The following GAB4 variants were observed in gnomAD, a reference collection of about 807,000 sequenced individuals.
The protein encoded by GAB4 is GRB2 associated binding protein family member 4, also known as GRB2-associated-binding protein 4.
In GAB4, 26 loss-of-function variants were observed where a neutral mutation model predicts 51.3. The observed-to-expected ratio is 0.51, with a 90% CI of 0.37 to 0.70. The LOEUF (loss-of-function observed/expected upper bound fraction) is 0.70. GAB4 is among the 30% of genes least tolerant of loss of function. The pLI, the probability that GAB4 is intolerant of heterozygous loss-of-function variation, is 0.00. For missense variants in GAB4, 759 were observed against 734.6 expected, an observed-to-expected ratio of 1.03 and a Z score of -0.38; for synonymous variants, 329 against 291.2, an observed-to-expected ratio of 1.13 and a Z score of -1.32.
At chr22:16,982,084 CA>C (rs1186329353) in intron 3 of GAB4, among the ~76,000 whole-genome samples, 1 of 152,064 alleles carries the variant, frequency 6.6e-6, no homozygotes, top group African/African-American at 2.4e-5. Flanking sequence ...GCTTTACATG[CA>C]AAACCCACAG....
At chr22:16,993,801 T>C (rs73147668) in intron 1 of GAB4, among the ~76,000 whole-genome samples, 3,364 of 152,294 alleles carry the variant, frequency 0.022, 58 homozygotes, top group Middle Eastern at 0.068. Context: ...TCCAACACCC[T>C]TATTTCTTTG....
intron 1 of GAB4, among the ~76,000 whole-genome samples, chr22:16,996,122 A>C (rs1246329509): frequency 6.6e-6 from 1 of 151,988 alleles, no homozygotes; most frequent in Non-Finnish European, 1.5e-5. Context: ...AAATGACTTC[A>C]TGAAGCCGAA....
chr22:16,996,818 C>G (rs1308744405), intron 1 of GAB4, among the ~76,000 whole-genome samples: 1 of 119,216 alleles, frequency 8.4e-6, no homozygotes, highest in East Asian at 3.1e-4. Flanking sequence ...CCCCTCCCTC[C>G]ACCCCACAAC....
In GAB4 at chr22:16,962,829, C is replaced by T; in HGVS notation, c.1629G>A (p.Gln543=). 1 of 1,613,744 alleles carries T rather than the reference C, an allele frequency of 6.2e-7. No homozygotes were observed. Among genetic ancestry groups the T allele is most frequent in the Non-Finnish European group, 8.5e-7 (1 of 1,179,886 alleles). ...VTSGKKVDYV[Q]VDLEKTQALQ... is the part of the protein sequence containing the mutation. ...GGGCCTGGGTCTTCTCCAGATCCAC[C>T]TGGACATAGTCCACCTTCTTGCCGG... Residue 543 remains glutamine, a synonymous_variant, in exon 10 of 10, where the codon CAG becomes CAA. Coordinates refer to ENST00000400588, the MANE Select transcript of GAB4 (RefSeq NM_001037814.1).
chr22:16,999,555 A>T (rs574632079), intron 1 of GAB4, among the ~76,000 whole-genome samples: 1 of 151,926 alleles, frequency 6.6e-6, no homozygotes, highest in Admixed American at 6.6e-5. Context: ...GTCTTGCTAG[A>T]GGTCTTTCAA....
At chr22:16,981,177 A>G (rs2060824561) in intron 3 of GAB4, among the ~76,000 whole-genome samples, 1 of 150,734 alleles carries the variant, frequency 6.6e-6, no homozygotes, top group South Asian at 2.1e-4. Context: ...AAATAAATAT[A>G]AATATAAAAT....
At chr22:17,000,053 A>G (rs2060984722) in intron 1 of GAB4, among the ~76,000 whole-genome samples, 1 of 152,200 alleles carries the variant, frequency 6.6e-6, no homozygotes, top group African/African-American at 2.4e-5. Flanking sequence ...GGAGTGCTTT[A>G]CTTCCAACGA....
chr22:16,969,521 C>G (rs2060711486), intron 4 of GAB4: 1 of 480,648 alleles, frequency 2.1e-6, no homozygotes, highest in Non-Finnish European at 3.6e-6. Context: ...CCAAGTCTCC[C>G]TTGGCCATGG....
At chr22:16,997,047 C>A (rs193256230) in intron 1 of GAB4, among the ~76,000 whole-genome samples, 138 of 149,686 alleles carry the variant, frequency 9.2e-4, no homozygotes, top group African/African-American at 3.1e-3. Context: ...ACATTTTCTT[C>A]ATCCAGTCTG....
chr22:17,004,365 G>A (rs2061022352), intron 1 of GAB4, among the ~76,000 whole-genome samples: 1 of 152,098 alleles, frequency 6.6e-6, no homozygotes, highest in Admixed American at 6.6e-5. Context: ...CCCTAGCAGA[G>A]ACACAACAAA....
At chr22:16,968,901 C>G (rs117010706) in intron 4 of GAB4, among the ~76,000 whole-genome samples, 1 of 152,186 alleles carries the variant, frequency 6.6e-6, no homozygotes, top group Non-Finnish European at 1.5e-5. Context: ...CTCATCTTTA[C>G]CACTTATGAC....
chr22:16,976,385 A>G (rs935431675), intron 3 of GAB4, among the ~76,000 whole-genome samples: 6 of 152,220 alleles, frequency 3.9e-5, no homozygotes, highest in African/African-American at 1.4e-4. Flanking sequence ...ACAAGTATCA[A>G]CAGACAAGTC....
intron 7 of GAB4, 60 bp from the exon 8 acceptor site, chr22:16,964,922 C>G: frequency 7.8e-7 from 1 of 1,284,172 alleles, no homozygotes; most frequent in Admixed American, 1.9e-5. Flanking sequence ...GCTGTCAGGG[C>G]TCCAGCCTCC....
chr22:16,970,116 T>C lies in GAB4; in HGVS notation c.764A>G (p.His255Arg). 2 of 1,614,140 alleles carry C rather than the reference T, an allele frequency of 1.2e-6. No homozygotes were observed. The highest frequency in any genetic ancestry group is 1.7e-6 in the Non-Finnish European group (2 of 1,180,022). Residue 255 changes from histidine (H) to arginine (R), a missense_variant, in exon 4 of 10, where the codon CAC (histidine) becomes CGC (arginine). By Grantham distance (29) the His-to-Arg change is conservative (BLOSUM62 0). This residue lies in a region of GAB4 where 588 missense variants were observed against 510.2 expected (regional missense o/e 1.15). Coordinates refer to ENST00000400588, the MANE Select transcript of GAB4 (RefSeq NM_001037814.1). ...RNTAMQNLAQ[H>R]SGYSVDGVSG... is the part of the protein sequence containing the mutation. ...GACCCCATCAACACTGTATCCACTG[T>C]GCTGGGCAAGATTTTGCATGGCTGT... is the stretch of plus-strand genomic sequence containing the variant.
At chr22:16,990,393 G>C (rs2060904230) in intron 2 of GAB4, among the ~76,000 whole-genome samples, 1 of 152,162 alleles carries the variant, frequency 6.6e-6, no homozygotes, top group Admixed American at 6.5e-5. Flanking sequence ...GTGTAACACA[G>C]TAAGTATGTG....
Position 17,000,391 on chromosome 22 carries a change from T to C in GAB4, c.174+7550A>G, listed in dbSNP as rs560342344. ...TGTTGAATTGATCCCTTTACCATTA[T>C]GTAATGGCCTTGTCTCTTTTGATCT... On this transcript the variant is annotated intron_variant, in intron 1 of 9. Coordinates refer to ENST00000400588, the MANE Select transcript of GAB4 (RefSeq NM_001037814.1). Among the ~76,000 whole-genome samples the C allele has an allele frequency of 7.9e-5, 12 of 152,302 alleles. No individual in the cohort carries two copies. In the South Asian group the frequency reaches 2.1e-3, roughly 26 times the overall value.
rs769562665 is a variant in GAB4, at chr22:16,966,349, C to G, written c.1039G>C (p.Val347Leu). Reference protein sequence around the residue: ...VCSFLPGRTLVGLSDSIASEG... With the variant: ...VCSFLPGRTLLGLSDSIASEG... ...GAAGCAATGCTGTCTGACAGGCCCA[C>G]AAGCGTTCTTCCTGGCTAGGAAGAG... Residue 347 changes from valine (V) to leucine (L), a missense_variant, in exon 6 of 10, where the codon GTG becomes CTG. Transcript: ENST00000400588. 6.2e-6 allele frequency: 10 copies of G among 1,611,948 alleles called. No homozygotes were observed. In the East Asian group the frequency reaches 2.2e-4, roughly 36 times the overall value.
intron 3 of GAB4, among the ~76,000 whole-genome samples, chr22:16,972,261 G>A (rs1310836266): frequency 1.3e-5 from 2 of 152,240 alleles, no homozygotes; most frequent in Non-Finnish European, 2.9e-5. Flanking sequence ...CACGGCTGCA[G>A]ACAGATCTGG....
At chr22:16,987,867 T>G (rs2123697631) in intron 3 of GAB4, 93 bp downstream of exon 3, 1 of 930,356 alleles carries the variant, frequency 1.1e-6, no homozygotes, top group East Asian at 2.6e-5. Flanking sequence ...TAATATTTTA[T>G]GTCTTTCTCT....
Sources: gnomAD v4.1 joint callset for allele counts (sites outside exome capture counted in the v4.1 genomes callset) on GRCh38, gnomAD v4.1.1 for gene constraint, gnomAD v4.1.1 regional missense constraint, MANE v1.5 for transcripts, NCBI Gene and HGNC (gene_info 2026-07-23, HGNC 2026-07-21) for gene names.